Variants in USP3 observed in about 807,000 individuals in gnomAD.
USP3 encodes ubiquitin carboxyl-terminal hydrolase 3.
Under a neutral mutation model 72.3 loss-of-function variants are expected in USP3, and 20 were observed. The ratio of observed to expected loss-of-function variants is 0.28; its 90% CI spans 0.19 to 0.40. The LOEUF (loss-of-function observed/expected upper bound fraction) is 0.40, where lower values mean the gene tolerates loss of function less well. Among genes scored for constraint, USP3 ranks in the 10% least tolerant of loss-of-function variants. USP3 has a pLI of 1.00. For synonymous variants in USP3, 222 were observed against 225.3 expected, an observed-to-expected ratio of 0.99 and a Z score of 0.13; for missense variants, 479 against 633.9, an observed-to-expected ratio of 0.76 and a Z score of 2.62.
chr15:63,542,117 G>C, intron 3 of USP3: 2 of 984,970 alleles, frequency 2.0e-6, no homozygotes, highest in Non-Finnish European at 2.4e-6. Context: ...TGATGTGGAA[G>C]TCATGACTTG....
In USP3 at chr15:63,593,130, C is replaced by G. The variant is rs1313008027; in HGVS notation, c.*2304C>G. 3.3e-5 allele frequency: 5 copies of G among 152,288 alleles called. No homozygotes were observed. The highest frequency in any genetic ancestry group is 2.1e-4 in the South Asian group (1 of 4,824). 9.4% of individuals were successfully genotyped at this position (152,288 alleles called of 1,614,324 possible). A position where few individuals can be genotyped will look rare whatever the true frequency, so the allele number is the denominator to read the frequency against. On this transcript the variant is annotated 3_prime_UTR_variant, in exon 15 of 15. Coordinates refer to ENST00000380324, the MANE Select transcript of USP3 (RefSeq NM_006537.4). The stretch of plus-strand genomic sequence containing the variant: ...ACTTTGCCATCATGTTTAGGTCTTA[C>G]AACTTTGAGTCCTAAAAGATAATAG...
At position 63,588,485 on chromosome 15, in the gene USP3, C is replaced by G; in HGVS notation, c.1215+62C>G. The stretch of plus-strand genomic sequence containing the variant: ...TGGGAAAGTGCTTGACTGCTAAGAC[C>G]ATGTCTATAACTTTACACTATGTGA... On this transcript the variant is annotated intron_variant, in intron 12 of 14. Coordinates refer to ENST00000380324, the MANE Select transcript of USP3 (RefSeq NM_006537.4). This position sits in a 1 kb window ranked among gnomAD's most constrained non-coding sequence, Gnocchi z 4.6. 8.1e-7 allele frequency: 1 copy of G among 1,227,240 alleles called. No individual in the cohort carries two copies. Among genetic ancestry groups the G allele is most frequent in the Non-Finnish European group, 1.2e-6 (1 of 854,378 alleles). The allele number at this position is 1,227,240 out of a possible 1,614,324, so 76.0% of individuals were successfully genotyped here.
At chr15:63,577,174 A>G (rs138106609) in intron 11 of USP3, among the ~76,000 whole-genome samples, 16 of 152,382 alleles carry the variant, frequency 1.0e-4, no homozygotes, top group Non-Finnish European at 1.9e-4. Flanking sequence ...TGAAAAAGAA[A>G]ATGTAGTTTG....
In USP3 at chr15:63,545,988, A is replaced by C. The variant is rs1048617093; in HGVS notation, c.285-7727A>C. ...CTTGTCTCAAAAAAAAAAAAAAAAA[A>C]AAAAAAACAGTAGAGCTCATCTTTT... is the stretch of plus-strand genomic sequence containing the variant. On this transcript the variant is annotated intron_variant, in intron 3 of 14. Transcript: ENST00000380324. Among the ~76,000 whole-genome samples the C allele has an allele frequency of 1.4e-4, 20 of 146,878 alleles. 1 individual carries two copies. The highest frequency in any genetic ancestry group is 1.4e-4 in the Non-Finnish European group (9 of 66,398).
chr15:63,510,281 C>T (rs774370384), intron 1 of USP3, among the ~76,000 whole-genome samples: 40 of 152,302 alleles, frequency 2.6e-4, no homozygotes, highest in Non-Finnish European at 5.1e-4. Context: ...AGTCCCTCTT[C>T]CATCAGGAGC....
intron 3 of USP3, among the ~76,000 whole-genome samples, chr15:63,545,697 C>A (rs142293488): frequency 1.2e-3 from 189 of 152,046 alleles, no homozygotes; most frequent in African/African-American, 4.4e-3. Flanking sequence ...AGGCCAGGCA[C>A]GGTAGCTCAC....
chr15:63,525,888 ATG>A (rs1290391029), intron 1 of USP3, among the ~76,000 whole-genome samples: 1 of 152,166 alleles, frequency 6.6e-6, no homozygotes, highest in African/African-American at 2.4e-5. Context: ...TTCACGATGT[ATG>A]TGTGTGTTTT....
chr15:63,520,528 ATTTG>A (rs970043940), intron 1 of USP3, among the ~76,000 whole-genome samples: 3 of 118,466 alleles, frequency 2.5e-5, no homozygotes, highest in Admixed American at 8.0e-5. Context: ...AAGTTTGTTC[ATTTG>A]TTTGTTTGAT....
At chr15:63,520,530 T>G (rs1365145816) in intron 1 of USP3, among the ~76,000 whole-genome samples, 3 of 151,334 alleles carry the variant, frequency 2.0e-5, no homozygotes, top group African/African-American at 7.3e-5. Context: ...GTTTGTTCAT[T>G]TGTTTGTTTG....
rs1204679309 is a variant in USP3 at position 63,574,871 on chromosome 15, A to C, written c.1096+468A>C. Among the ~76,000 whole-genome samples, 2 of 152,210 alleles carry C rather than the reference A, an allele frequency of 1.3e-5. No individual in the cohort carries two copies. Among genetic ancestry groups the C allele is most frequent in the Non-Finnish European group, 2.9e-5 (2 of 68,024 alleles). ...AGACTGTTAAAATTCACATGTATTT[A>C]GGGAGATTTGAACATATTTTTTGCT... On this transcript the variant is annotated intron_variant, in intron 11 of 14. Coordinates refer to ENST00000380324, the MANE Select transcript of USP3 (RefSeq NM_006537.4). This position sits in a 1 kb window ranked among gnomAD's most constrained non-coding sequence, Gnocchi z 4.6.
chr15:63,557,940 T>C (rs1323751241), intron 5 of USP3, among the ~76,000 whole-genome samples, 166 bp from the exon 6 acceptor site: 1 of 152,180 alleles, frequency 6.6e-6, no homozygotes, highest in Non-Finnish European at 1.5e-5. Context: ...TATCCAGACA[T>C]TTATACAGAG....
At chr15:63,583,229 A>T (rs1265640837) in intron 11 of USP3, among the ~76,000 whole-genome samples, 1 of 152,140 alleles carries the variant, frequency 6.6e-6, no homozygotes, top group Non-Finnish European at 1.5e-5. Flanking sequence ...GGCTAATGGG[A>T]TGGAGAGGCT....
At chr15:63,547,760 GGGAGAGAGAGAGAGAGAGA>G (rs2066358693) in intron 3 of USP3, among the ~76,000 whole-genome samples, 4 of 14,826 alleles carry the variant, frequency 2.7e-4, no homozygotes, top group African/African-American at 7.8e-4. Context: ...GAGGGAGGGA[GGGAGAGAGAGAGAGAGAGA>G]GAGAGAGAGA....
chr15:63,559,630 T>A (rs1048333277), intron 6 of USP3, among the ~76,000 whole-genome samples: 2 of 152,216 alleles, frequency 1.3e-5, no homozygotes, highest in Non-Finnish European at 2.9e-5. Context: ...TTTTCAGCTC[T>A]TTGTTTTTTG....
chr15:63,536,692 C>CA (rs200651966), intron 2 of USP3, among the ~76,000 whole-genome samples: 23,082 of 143,134 alleles, frequency 0.16, 2,346 homozygotes, highest in Middle Eastern at 0.3. Context: ...ATTAAAAATA[C>CA]AAAAAAAAAA....
Position 63,547,866 on chromosome 15 carries a change from TAGAGAGAGAGAG to T in USP3, c.285-5830_285-5819del, listed in dbSNP as rs112905081. On this transcript the variant is annotated intron_variant, in intron 3 of 14. Transcript: ENST00000380324. The stretch of plus-strand genomic sequence containing the variant: ...GGAGGGAGAGAGAGAGAGAGAGGCA[TAGAGAGAGAGAG>T]AGAGAGAGAGAGAGAGAGGCATAGA... Among the ~76,000 whole-genome samples, 12 of 20,888 alleles carry T rather than the reference TAGAGAGAGAGAG, an allele frequency of 5.7e-4. No individual in the cohort carries two copies. The East Asian group carries it at 7.8e-3, about 14-fold the overall frequency. The allele number at this position is 20,888 out of a possible 152,430, so 13.7% of individuals were successfully genotyped here. A position where few individuals can be genotyped will look rare whatever the true frequency, so the allele number is the denominator to read the frequency against.
chr15:63,559,813 T>C, intron 6 of USP3, 44 bp from the exon 7 acceptor site: 1 of 1,526,326 alleles, frequency 6.6e-7, no homozygotes, highest in Non-Finnish European at 8.9e-7. Flanking sequence ...TTTACAGTCC[T>C]ATTCTTTTCT....
At chr15:63,586,984 C>T (rs1256511592) in intron 11 of USP3, among the ~76,000 whole-genome samples, 1 of 152,166 alleles carries the variant, frequency 6.6e-6, no homozygotes, top group African/African-American at 2.4e-5. Flanking sequence ...CACTAACTTT[C>T]CCTGAAGGGG....
At chr15:63,554,641 C>G (rs554741640) in intron 4 of USP3, among the ~76,000 whole-genome samples, 19 of 152,248 alleles carry the variant, frequency 1.2e-4, no homozygotes, top group Admixed American at 5.2e-4. Context: ...AAGTGTAAAG[C>G]CCATAGAATG....
Sources: allele counts gnomAD v4.1 joint callset (sites outside exome capture counted in the v4.1 genomes callset), GRCh38; gene constraint gnomAD v4.1.1; non-coding constraint Gnocchi (gnomAD v3.1); transcripts MANE v1.5; gene names NCBI Gene and HGNC (gene_info 2026-07-23, HGNC 2026-07-21).